Variants in DAB1 observed in about 807,000 individuals in gnomAD.
DAB1 encodes the protein disabled homolog 1.
A neutral mutation model predicts 64.6 loss-of-function variants in DAB1; 15 were observed. The ratio of observed to expected loss-of-function variants is 0.23; its 90% CI spans 0.16 to 0.36. The LOEUF is 0.36. Ranked by LOEUF, DAB1 falls within the 10% of genes least tolerant of loss-of-function variation. The pLI, the probability that DAB1 is intolerant of heterozygous loss-of-function variation, is 1.00. For missense variants in DAB1, 596 were observed against 706.7 expected (o/e 0.84, Z 1.78); for synonymous variants, 235 against 251.9 (o/e 0.93, Z 0.64).
intron 2 of DAB1, among the ~76,000 whole-genome samples, chr1:57,278,499 T>C (rs964727056): frequency 2.6e-5 from 4 of 152,138 alleles, no homozygotes; most frequent in African/African-American, 9.7e-5. Flanking sequence ...GGAATCCTAA[T>C]GAACAGAAGA....
intron 4 of DAB1, among the ~76,000 whole-genome samples, chr1:58,329,590 C>A (rs901140778): frequency 6.6e-6 from 1 of 152,118 alleles, no homozygotes; most frequent in African/African-American, 2.4e-5. Context: ...GTATTTTTTA[C>A]AAATTGAAAG....
chr1:57,740,118 G>A (rs532322532), intron 6 of DAB1, among the ~76,000 whole-genome samples: 163 of 151,900 alleles, frequency 1.1e-3, no homozygotes, highest in Admixed American at 3.0e-3. Context: ...GGAGGCTGAG[G>A]CATGAAAATT....
chr1:57,374,322 T>C (rs1263077065), intron 1 of DAB1, among the ~76,000 whole-genome samples: 1 of 152,218 alleles, frequency 6.6e-6, no homozygotes, highest in Non-Finnish European at 1.5e-5. Context: ...GAATAAAATT[T>C]TGTAATTTCA....
intron 5 of DAB1, among the ~76,000 whole-genome samples, chr1:58,069,763 C>T (rs1649118371): frequency 6.6e-6 from 1 of 152,086 alleles, no homozygotes; most frequent in Non-Finnish European, 1.5e-5. Flanking sequence ...AAGCATTATC[C>T]CCATTTCAGA....
intron 4 of DAB1, among the ~76,000 whole-genome samples, chr1:58,252,205 C>G (rs546285459): frequency 1.3e-5 from 2 of 152,288 alleles, no homozygotes; most frequent in East Asian, 3.9e-4. Flanking sequence ...CTCCTATAAC[C>G]CTTCTGTCCT....
intron 5 of DAB1, among the ~76,000 whole-genome samples, chr1:57,908,379 C>G (rs1443566667): frequency 6.6e-6 from 1 of 152,132 alleles, no homozygotes; most frequent in African/African-American, 2.4e-5. Context: ...AGCAGCCCAA[C>G]AGCCGATTTA....
chr1:57,978,930 T>G (rs760425415), intron 5 of DAB1, among the ~76,000 whole-genome samples: 6 of 152,134 alleles, frequency 3.9e-5, no homozygotes, highest in Non-Finnish European at 8.8e-5. Flanking sequence ...CTGGACAGGA[T>G]GTGGAGAAAT....
chr1:58,011,604 T>C (rs531796911), intron 5 of DAB1, among the ~76,000 whole-genome samples: 115 of 152,336 alleles, frequency 7.5e-4, no homozygotes, highest in Non-Finnish European at 1.4e-3. Context: ...CTTTAGAACA[T>C]AAATGTAAGG....
chr1:57,928,649 T>C (rs1181858735), intron 5 of DAB1, among the ~76,000 whole-genome samples: 4 of 152,236 alleles, frequency 2.6e-5, no homozygotes, highest in Non-Finnish European at 5.9e-5. Flanking sequence ...TCTATCTTTT[T>C]ACTGTCTCCA....
chr1:58,247,103 G>A (rs1660573506), intron 4 of DAB1, among the ~76,000 whole-genome samples: 1 of 152,118 alleles, frequency 6.6e-6, no homozygotes, highest in Admixed American at 6.5e-5. Context: ...CTGTGGAAGG[G>A]CCCATACTGG....
At chr1:57,250,874 A>G (rs1176037558) in intron 2 of DAB1, among the ~76,000 whole-genome samples, 1 of 152,194 alleles carries the variant, frequency 6.6e-6, no homozygotes, top group Non-Finnish European at 1.5e-5. Context: ...GACCATGGAG[A>G]CATGACTAGC....
At chr1:57,022,809 C>T (rs1397439017) in intron 11 of DAB1, among the ~76,000 whole-genome samples, 1 of 152,248 alleles carries the variant, frequency 6.6e-6, no homozygotes, top group Non-Finnish European at 1.5e-5. Flanking sequence ...ATGTCAAAAA[C>T]AGAACTAAAC....
chr1:57,642,417 C>T (rs1646141279), intron 7 of DAB1, among the ~76,000 whole-genome samples: 2 of 152,116 alleles, frequency 1.3e-5, no homozygotes, highest in Non-Finnish European at 2.9e-5. Context: ...CCCTGGAGCA[C>T]CTCATTACAC....
chr1:57,343,557 C>T (rs1677828579), intron 1 of DAB1, among the ~76,000 whole-genome samples: 3 of 152,224 alleles, frequency 2.0e-5, no homozygotes, highest in African/African-American at 7.2e-5. Context: ...TCGGGGGAGG[C>T]TCAGGCATGG....
At chr1:57,201,879 AATGC>A (rs138253024) in intron 2 of DAB1, among the ~76,000 whole-genome samples, 2,540 of 152,240 alleles carry the variant, frequency 0.017, 86 homozygotes, top group African/African-American at 0.059. Context: ...TGAATGAATA[AATGC>A]ATGCATGCAT....
At chr1:58,447,879 T>C (rs887617249) in intron 3 of DAB1, among the ~76,000 whole-genome samples, 16 of 151,310 alleles carry the variant, frequency 1.1e-4, no homozygotes, top group African/African-American at 2.7e-4. Flanking sequence ...AAAAGTCTTA[T>C]GCAATAAGAA....
At chr1:57,095,234 G>A (rs1373721549) in intron 4 of DAB1, among the ~76,000 whole-genome samples, 3 of 152,184 alleles carry the variant, frequency 2.0e-5, no homozygotes, top group African/African-American at 7.2e-5. Flanking sequence ...TCACAGTGAA[G>A]GGGGCCCACT....
At chr1:58,166,171 A>G (rs1174158791) in intron 4 of DAB1, among the ~76,000 whole-genome samples, 1 of 152,072 alleles carries the variant, frequency 6.6e-6, no homozygotes, top group Non-Finnish European at 1.5e-5. Context: ...ATTGAGATAT[A>G]ATCTACACAC....
At chr1:58,102,623 T>C (rs1490080480) in intron 5 of DAB1, among the ~76,000 whole-genome samples, 1 of 152,218 alleles carries the variant, frequency 6.6e-6, no homozygotes, top group Non-Finnish European at 1.5e-5. Flanking sequence ...ATTTTTTTCT[T>C]ACTGGAACAA....
Sources: gnomAD v4.1 joint callset for allele counts (sites outside exome capture counted in the v4.1 genomes callset) on GRCh38, gnomAD v4.1.1 for gene constraint, MANE v1.5 for transcripts, NCBI Gene and HGNC (gene_info 2026-07-23, HGNC 2026-07-21) for gene names.